The following GRIN2A variants were observed in gnomAD, a reference collection of about 807,000 sequenced individuals.
GRIN2A encodes glutamate ionotropic receptor NMDA type subunit 2A.
In GRIN2A, 22 loss-of-function variants were observed where a neutral mutation model predicts 113.4. The observed-to-expected ratio is 0.19, with a 90% confidence interval of 0.14 to 0.28. The LOEUF (loss-of-function observed/expected upper bound fraction) is 0.28, where lower values mean the gene tolerates loss of function less well. GRIN2A is among the 10% of genes least tolerant of loss of function. The pLI is 1.00. For synonymous variants in GRIN2A, 827 were observed against 738.4 expected, an observed-to-expected ratio of 1.12 and a Z score of -1.94; for missense variants, 1,502 against 1,887.0, an observed-to-expected ratio of 0.80 and a Z score of 3.78.
In GRIN2A at chr16:9,761,402, T is replaced by C. The variant is rs1048426313; in HGVS notation, c.*1747A>G. The C allele has an allele frequency of 3.9e-5, 9 of 231,012 alleles. No homozygotes were observed. Among genetic ancestry groups the C allele is most frequent in the Non-Finnish European group, 7.7e-5 (9 of 116,804 alleles). 14.3% of individuals were successfully genotyped at this position (231,012 alleles called of 1,614,324 possible). On this transcript the variant is annotated 3_prime_UTR_variant, in exon 13 of 13. Coordinates refer to ENST00000330684, the MANE Select transcript of GRIN2A (RefSeq NM_001134407.3). The stretch of plus-strand genomic sequence containing the variant: ...GGAAACCAGGAAATGGCCAGGCGAG[T>C]CTACATTAGCTTAGTGTTTCCGTAA...
chr16:9,925,744 G>T (rs760079972), intron 3 of GRIN2A, among the ~76,000 whole-genome samples: 3 of 152,106 alleles, frequency 2.0e-5, no homozygotes, highest in Non-Finnish European at 2.9e-5. Flanking sequence ...GTCTGTAGGG[G>T]ATATTACAGT....
At chr16:9,790,115 C>T (rs185567954) in intron 11 of GRIN2A, among the ~76,000 whole-genome samples, 1 of 152,278 alleles carries the variant, frequency 6.6e-6, no homozygotes, top group East Asian at 1.9e-4. Flanking sequence ...GCCTGGGAGA[C>T]AGCAAGGCTC....
intron 2 of GRIN2A, among the ~76,000 whole-genome samples, chr16:10,001,291 T>C (rs540876608): frequency 2.0e-5 from 3 of 152,278 alleles, no homozygotes; most frequent in African/African-American, 4.8e-5. Flanking sequence ...TGGGTTTAAA[T>C]TGTGGCTCTA....
Position 10,180,422 on chromosome 16 carries a change from G to A in GRIN2A, c.-11C>T. On this transcript the variant is annotated 5_prime_UTR_variant, in exon 2 of 13. An upstream open reading frame in the 5' UTR gains an earlier in-frame stop. Transcript: ENST00000330684. This position sits in a 1 kb window ranked among gnomAD's most constrained non-coding sequence, Gnocchi z 7.0. ...GCCCACTCTGCCCATAGTCGCCACTGACGGTCCCTGCAAGGTGAAGAGTGA... is the reference window on the plus strand; with the variant it reads ...GCCCACTCTGCCCATAGTCGCCACTAACGGTCCCTGCAAGGTGAAGAGTGA... 6.2e-7 allele frequency: 1 copy of A among 1,602,850 alleles called. No homozygotes were observed. The highest frequency in any genetic ancestry group is 8.5e-7 in the Non-Finnish European group (1 of 1,179,124).
Position 9,768,905 on chromosome 16 carries a change from G to C in GRIN2A, c.2541C>G (p.Phe847Leu), listed in dbSNP as rs2141149951. 1 of 1,614,230 alleles carries C rather than the reference G, an allele frequency of 6.2e-7. No homozygotes were observed. The highest frequency in any genetic ancestry group is 8.5e-7 in the Non-Finnish European group (1 of 1,180,020). The change falls in exon 12 of 13, where the codon TTC (phenylalanine) becomes TTG (leucine). Residue 847 changes from phenylalanine (F) to leucine (L), a missense_variant. Physicochemically the swap from Phe to Leu is conservative, Grantham distance 22. Around this residue, in one of 7 missense-constraint regions of GRIN2A, gnomAD observed 832 missense variants for 789.7 expected, o/e 1.05. Coordinates refer to ENST00000330684, the MANE Select transcript of GRIN2A (RefSeq NM_001134407.3). Reference sequence around the variant, plus strand: ...GGTCGGAGCACACGCCCGTGAAACAGAAGCGCAGCTTCCAGTAGAAGAGGT... The same window carrying C: ...GGTCGGAGCACACGCCCGTGAAACACAAGCGCAGCTTCCAGTAGAAGAGGT... ...WEHLFYWKLR[F>L]CFTGVCSDRP...
At chr16:10,028,719 G>A (rs2046868348) in intron 2 of GRIN2A, among the ~76,000 whole-genome samples, 1 of 152,214 alleles carries the variant, frequency 6.6e-6, no homozygotes, top group Non-Finnish European at 1.5e-5. Flanking sequence ...AAACTTTTCT[G>A]TAAAGAGCTA....
chr16:10,007,830 G>C (rs1289358859), intron 2 of GRIN2A, among the ~76,000 whole-genome samples: 1 of 152,082 alleles, frequency 6.6e-6, no homozygotes, highest in Admixed American at 6.6e-5. Flanking sequence ...TGATTGACTT[G>C]GAGACACTGA....
chr16:10,037,965 A>T (rs1231747615), intron 2 of GRIN2A, among the ~76,000 whole-genome samples: 3 of 152,192 alleles, frequency 2.0e-5, no homozygotes, highest in Non-Finnish European at 4.4e-5. Context: ...GTCCTTCCAG[A>T]CAAACCCAGC....
chr16:10,146,624 T>C (rs763272810), intron 2 of GRIN2A, among the ~76,000 whole-genome samples: 2 of 152,194 alleles, frequency 1.3e-5, no homozygotes, highest in South Asian at 2.1e-4. Flanking sequence ...GTGACAGCTA[T>C]TAATATTATT....
At chr16:9,940,042 AAG>A (rs565915376) in intron 2 of GRIN2A, among the ~76,000 whole-genome samples, 53 of 139,644 alleles carry the variant, frequency 3.8e-4, no homozygotes, top group Admixed American at 1.1e-3. Flanking sequence ...GAGAGAGAGA[AAG>A]AGAGAGAGAG....
chr16:9,958,869 C>G (rs185431937), intron 2 of GRIN2A, among the ~76,000 whole-genome samples: 15 of 152,294 alleles, frequency 9.8e-5, no homozygotes, highest in African/African-American at 3.4e-4. Flanking sequence ...TTCACTGATA[C>G]ATCCCTTGTG....
At chr16:9,866,467 G>C (rs989022362) in intron 4 of GRIN2A, among the ~76,000 whole-genome samples, 4 of 151,318 alleles carry the variant, frequency 2.6e-5, no homozygotes, top group South Asian at 2.1e-4. Context: ...AGGGAAAGAG[G>C]AATAAAGGGA....
chr16:9,874,445 C>T (rs1016486950), intron 4 of GRIN2A, among the ~76,000 whole-genome samples: 1 of 152,174 alleles, frequency 6.6e-6, no homozygotes, highest in African/African-American at 2.4e-5. Context: ...AGCTCAGAAA[C>T]AGACATGTGG....
intron 2 of GRIN2A, among the ~76,000 whole-genome samples, chr16:10,139,248 G>T (rs528882281): frequency 1.9e-4 from 29 of 152,268 alleles, no homozygotes; most frequent in African/African-American, 6.0e-4. Flanking sequence ...GAACACTTTT[G>T]CACCTCGTGT....
chr16:10,076,198 T>C (rs1222218618), intron 2 of GRIN2A, among the ~76,000 whole-genome samples: 1 of 152,160 alleles, frequency 6.6e-6, no homozygotes, highest in Non-Finnish European at 1.5e-5. Context: ...TTCCTCTGAG[T>C]CACTGGTGCA....
At chr16:9,901,168 A>G (rs1596559312) in intron 3 of GRIN2A, among the ~76,000 whole-genome samples, 1 of 152,318 alleles carries the variant, frequency 6.6e-6, no homozygotes, top group East Asian at 1.9e-4. Flanking sequence ...CTAGAATACT[A>G]CCTGGTATAA....
intron 11 of GRIN2A, among the ~76,000 whole-genome samples, chr16:9,790,108 T>C (rs1433892749): frequency 6.6e-6 from 1 of 152,206 alleles, no homozygotes; most frequent in Non-Finnish European, 1.5e-5. Flanking sequence ...GGAGGGTGCC[T>C]GGGAGACAGC....
chr16:10,007,583 T>C (rs2046427473), intron 2 of GRIN2A, among the ~76,000 whole-genome samples: 1 of 152,240 alleles, frequency 6.6e-6, no homozygotes, highest in African/African-American at 2.4e-5. Flanking sequence ...CTTTGGGTTG[T>C]CTCTTCGCTT....
At chr16:9,799,964 A>ATATTATTATTATTATTATTAT (rs71400498) in intron 10 of GRIN2A, among the ~76,000 whole-genome samples, 257 of 149,696 alleles carry the variant, frequency 1.7e-3, no homozygotes, top group African/African-American at 5.9e-3. Context: ...CTGTGCCTAA[A>ATATTATTATTATTATTATTAT]TATTATTATT....
Sources: gnomAD v4.1 joint callset for allele counts (sites outside exome capture counted in the v4.1 genomes callset) on GRCh38, gnomAD v4.1.1 for gene constraint, gnomAD v4.1.1 regional missense constraint, Gnocchi (gnomAD v3.1) non-coding constraint, MANE v1.5 for transcripts, NCBI Gene and HGNC (gene_info 2026-07-23, HGNC 2026-07-21) for gene names.